The following FBXW10B variants were observed in gnomAD, a reference collection of about 807,000 sequenced individuals.
FBXW10B encodes the protein F-box and WD repeat domain containing 10B.
chr17:15,581,405 C>G, the FBXW10B span, among the ~76,000 whole-genome samples: 78 of 152,364 alleles, frequency 5.1e-4, no homozygotes, highest in African/African-American at 1.8e-3. Flanking sequence ...ACTTTTACCA[C>G]ACTTGCTTCA....
the FBXW10B span, among the ~76,000 whole-genome samples, chr17:15,600,164 C>T: frequency 6.7e-6 from 1 of 150,072 alleles, no homozygotes; most frequent in African/African-American, 2.5e-5. Context: ...TGCAGTGAGC[C>T]GAGATGGCGC....
the FBXW10B span, among the ~76,000 whole-genome samples, chr17:15,604,079 C>CAAAAA: frequency 8.2e-6 from 1 of 121,860 alleles, no homozygotes; most frequent in Non-Finnish European, 1.7e-5. Context: ...GACTCTATCT[C>CAAAAA]AAAAAAAAAA....
the FBXW10B span, among the ~76,000 whole-genome samples, chr17:15,566,994 G>A: frequency 2.6e-5 from 4 of 151,750 alleles, no homozygotes; most frequent in Admixed American, 6.6e-5. Flanking sequence ...AGTTGAGGCC[G>A]GGCGCGGTGG....
chr17:15,598,449 A>G, the FBXW10B span: 1 of 1,609,858 alleles, frequency 6.2e-7, no homozygotes, highest in Non-Finnish European at 8.5e-7. Flanking sequence ...GTGCCTGCCT[A>G]TAGAAATGAG....
chr17:15,579,503 G>A, the FBXW10B span, among the ~76,000 whole-genome samples: 132,644 of 152,238 alleles, frequency 0.87, 58,091 homozygotes, highest in African/African-American at 0.94. Context: ...GGATTTACAC[G>A]GGAAATTAAA....
the FBXW10B span, among the ~76,000 whole-genome samples, chr17:15,569,455 C>CTTTTTTTTTTTTTTTTTTTTT: frequency 3.7e-4 from 22 of 59,194 alleles, no homozygotes; most frequent in Non-Finnish European, 4.3e-4. Context: ...TTTTCTTTTT[C>CTTTTTTTTTTTTTTTTTTTTT]TTTTTTTTTT....
the FBXW10B span, chr17:15,615,953 G>A: frequency 1.5e-6 from 2 of 1,330,758 alleles, no homozygotes; most frequent in Non-Finnish European, 2.0e-6. Flanking sequence ...TTTTTATTTG[G>A]GGCCTCCAAA....
At chr17:15,594,776 G>T in the FBXW10B span, 1 of 1,613,862 alleles carries the variant, frequency 6.2e-7, no homozygotes, top group South Asian at 1.1e-5. Flanking sequence ...ATCAGGCAGC[G>T]CTCGTACTTC....
the FBXW10B span, chr17:15,593,552 G>T: frequency 3.1e-6 from 5 of 1,588,016 alleles, no homozygotes; most frequent in East Asian, 2.3e-5. Context: ...GCCTGGGTTT[G>T]TTTGTAGGTT....
chr17:15,580,911 TATTTA>T, the FBXW10B span, among the ~76,000 whole-genome samples: 1 of 152,112 alleles, frequency 6.6e-6, no homozygotes, highest in African/African-American at 2.4e-5. Flanking sequence ...TACATCATTG[TATTTA>T]ATTCTTAAGA....
the FBXW10B span, chr17:15,619,039 G>C: frequency 6.2e-7 from 1 of 1,613,660 alleles, no homozygotes; most frequent in East Asian, 2.2e-5. Flanking sequence ...TCAGAAACAG[G>C]ACTCTGATCA....
chr17:15,617,651 T>G, the FBXW10B span, among the ~76,000 whole-genome samples: 9 of 152,122 alleles, frequency 5.9e-5, no homozygotes, highest in Admixed American at 5.9e-4. Context: ...GAGCAAGAGC[T>G]GGCTGTTTAA....
the FBXW10B span, among the ~76,000 whole-genome samples, chr17:15,603,923 A>G: frequency 6.2e-4 from 68 of 109,460 alleles, 8 homozygotes; most frequent in African/African-American, 2.4e-3. Flanking sequence ...AATACAAAAA[A>G]AAAAAAAATA....
the FBXW10B span, among the ~76,000 whole-genome samples, chr17:15,588,194 G>A: frequency 3.9e-5 from 6 of 152,200 alleles, no homozygotes; most frequent in South Asian, 2.1e-4. Context: ...CATAAGTCAC[G>A]TTACGGCACT....
At chr17:15,576,177 A>C in the FBXW10B span, among the ~76,000 whole-genome samples, 3 of 152,124 alleles carry the variant, frequency 2.0e-5, no homozygotes, top group Non-Finnish European at 2.9e-5. Flanking sequence ...AAGGTATCTT[A>C]TATATATATT....
the FBXW10B span, among the ~76,000 whole-genome samples, chr17:15,580,209 AC>A: frequency 6.6e-6 from 1 of 152,060 alleles, no homozygotes. Context: ...TTTTCTGACC[AC>A]CCCCATCAAA....
the FBXW10B span, among the ~76,000 whole-genome samples, chr17:15,616,813 A>C: frequency 1.6e-5 from 2 of 122,646 alleles, no homozygotes; most frequent in African/African-American, 6.1e-5. Flanking sequence ...CTCTGTCTCA[A>C]AAAAAAAAAA....
chr17:15,607,602 T>C, the FBXW10B span: 223 of 1,613,768 alleles, frequency 1.4e-4, no homozygotes, highest in African/African-American at 2.8e-3. Context: ...ACATTGTAGG[T>C]CCCACAGAAA....
chr17:15,566,146 A>G, the FBXW10B span: 5 of 1,609,782 alleles, frequency 3.1e-6, 1 homozygote, highest in Middle Eastern at 6.6e-4. Flanking sequence ...TGGGTATGAA[A>G]TTGAAGGTCC....
Sources: allele counts gnomAD v4.1 joint callset (sites outside exome capture counted in the v4.1 genomes callset), GRCh38; gene constraint gnomAD v4.1.1; transcripts MANE v1.5; gene names NCBI Gene and HGNC (gene_info 2026-07-23, HGNC 2026-07-21).